The following CWF19L2 variants were observed in gnomAD, a reference collection of about 807,000 sequenced individuals.
CWF19L2 encodes CWF19-like protein 2.
A neutral mutation model predicts 111.7 loss-of-function variants in CWF19L2; 98 were observed. The ratio of observed to expected loss-of-function variants is 0.88; its 90% CI spans 0.75 to 1.04. The LOEUF (loss-of-function observed/expected upper bound fraction) is 1.04, where lower values mean the gene tolerates loss of function less well. CWF19L2 is among the 50% of genes least tolerant of loss of function. The probability of loss-of-function intolerance (pLI) is 0.00; values close to 1 mark genes in which losing one functional copy is unlikely to be tolerated. For synonymous variants in CWF19L2, 351 were observed against 342.9 expected, an observed-to-expected ratio of 1.02 and a Z score of -0.26; for missense variants, 1,101 against 1,051.4, an observed-to-expected ratio of 1.05 and a Z score of -0.65.
At chr11:107,399,760 T>C (rs1860974178) in intron 10 of CWF19L2, among the ~76,000 whole-genome samples, 2 of 152,150 alleles carry the variant, frequency 1.3e-5, no homozygotes, top group South Asian at 4.1e-4. Context: ...AACTGCAGCA[T>C]ACACATTCTA....
chr11:107,391,645 T>A (rs542713130), intron 11 of CWF19L2, among the ~76,000 whole-genome samples: 1 of 152,364 alleles, frequency 6.6e-6, no homozygotes, highest in East Asian at 1.9e-4. Flanking sequence ...AAATACTGTT[T>A]ATTTCCTCTC....
chr11:107,363,207 T>C (rs2134561205), intron 12 of CWF19L2, among the ~76,000 whole-genome samples: 1 of 152,164 alleles, frequency 6.6e-6, no homozygotes. Context: ...TTGGTGTACC[T>C]GAAAGTGACA....
chr11:107,446,197 T>C (rs747744989), intron 3 of CWF19L2, among the ~76,000 whole-genome samples: 1 of 152,220 alleles, frequency 6.6e-6, no homozygotes, highest in Non-Finnish European at 1.5e-5. Flanking sequence ...CCCTACTGAA[T>C]AAAGTCAAAG....
chr11:107,410,663 T>A (rs1007926038), intron 10 of CWF19L2, among the ~76,000 whole-genome samples: 1 of 152,134 alleles, frequency 6.6e-6, no homozygotes, highest in South Asian at 2.1e-4. Flanking sequence ...ATCAGTAATA[T>A]CAGAGTCATG....
intron 3 of CWF19L2, 42 bp downstream of exon 3, chr11:107,454,408 G>T: frequency 7.9e-7 from 1 of 1,265,810 alleles, no homozygotes. Context: ...CAAATAAAAT[G>T]TTCTCAAATA....
chr11:107,398,521 G>C (rs1201470057), intron 10 of CWF19L2, among the ~76,000 whole-genome samples: 1 of 152,138 alleles, frequency 6.6e-6, no homozygotes, highest in Non-Finnish European at 1.5e-5. Flanking sequence ...AAGGCTCCAA[G>C]AAGTCTGGGA....
At chr11:107,362,845 G>A (rs1405905050) in intron 12 of CWF19L2, among the ~76,000 whole-genome samples, 1 of 151,996 alleles carries the variant, frequency 6.6e-6, no homozygotes, top group Non-Finnish European at 1.5e-5. Flanking sequence ...CGAGCTGAGA[G>A]AAGAAGGCTT....
At chr11:107,423,997 C>T (rs1861339089) in intron 8 of CWF19L2, among the ~76,000 whole-genome samples, 2 of 151,736 alleles carry the variant, frequency 1.3e-5, no homozygotes, top group Admixed American at 1.3e-4. Context: ...GTGAGCTTCT[C>T]ATGAAGAACT....
intron 12 of CWF19L2, among the ~76,000 whole-genome samples, chr11:107,382,940 C>A (rs1431259634): frequency 6.6e-6 from 1 of 152,204 alleles, no homozygotes; most frequent in Admixed American, 6.5e-5. Context: ...TCATAAAAAC[C>A]CAAGAGGACT....
intron 14 of CWF19L2, among the ~76,000 whole-genome samples, 169 bp from the exon 15 acceptor site, chr11:107,336,882 C>T (rs1281920543): frequency 6.6e-6 from 1 of 152,078 alleles, no homozygotes; most frequent in Non-Finnish European, 1.5e-5. Context: ...GTTATAGTTA[C>T]TTTACTTTCT....
chr11:107,407,813 C>T (rs188185202), intron 10 of CWF19L2, among the ~76,000 whole-genome samples: 232 of 152,072 alleles, frequency 1.5e-3, no homozygotes, highest in African/African-American at 5.1e-3. Flanking sequence ...CCAAATTAGA[C>T]CTGAGAAAAT....
At chr11:107,411,792 T>C (rs1403322935) in intron 10 of CWF19L2, among the ~76,000 whole-genome samples, 1 of 152,200 alleles carries the variant, frequency 6.6e-6, no homozygotes, top group East Asian at 1.9e-4. Context: ...TTCTAGAATA[T>C]ATGATAATCA....
chr11:107,362,903 G>C (rs1001495917), intron 12 of CWF19L2, among the ~76,000 whole-genome samples: 2 of 151,882 alleles, frequency 1.3e-5, no homozygotes, highest in African/African-American at 4.8e-5. Flanking sequence ...CGAACCAAAG[G>C]CAAAGAAGTT....
chr11:107,424,498 A>G (rs1007871284), intron 8 of CWF19L2, among the ~76,000 whole-genome samples: 2 of 150,830 alleles, frequency 1.3e-5, no homozygotes, highest in African/African-American at 4.9e-5. Context: ...GAAGTTTGTT[A>G]TTATCCATCC....
intron 12 of CWF19L2, among the ~76,000 whole-genome samples, chr11:107,370,102 T>C (rs1338165107): frequency 7.3e-6 from 1 of 137,762 alleles, no homozygotes; most frequent in Non-Finnish European, 1.6e-5. Context: ...TAAATAACCA[T>C]TAAGTTTAAC....
Position 107,429,323 on chromosome 11 carries a change from T to C in CWF19L2, c.909A>G (p.Arg303=). The change falls in exon 8 of 18, where the codon AGA becomes AGG. Residue 303 remains arginine, a synonymous_variant. Coordinates refer to ENST00000282251, the MANE Select transcript of CWF19L2 (RefSeq NM_152434.3). The part of the protein sequence containing the change: ...SDKAQNCQES[R]ESDLVKYGNS... ...TACCATATTTTACTAAGTCTGATTC[T>C]CTACTTTCTTGACAATTTTGTGCTT... 6.2e-7 allele frequency: 1 copy of C among 1,610,258 alleles called. No individual in the cohort carries two copies.
At chr11:107,353,829 A>G (rs909844044) in intron 12 of CWF19L2, 93 bp from the exon 13 acceptor site, 33 of 865,328 alleles carry the variant, frequency 3.8e-5, no homozygotes, top group Middle Eastern at 2.4e-4. Flanking sequence ...TGTAAGTTCT[A>G]TGATAAAACT....
At chr11:107,327,985 T>C (rs1859787265) in intron 17 of CWF19L2, among the ~76,000 whole-genome samples, 1 of 152,032 alleles carries the variant, frequency 6.6e-6, no homozygotes, top group South Asian at 2.1e-4. Flanking sequence ...CCGTATGTTG[T>C]AGGGGATACA....
intron 6 of CWF19L2, among the ~76,000 whole-genome samples, chr11:107,435,564 T>C (rs2135415609): frequency 6.6e-6 from 1 of 152,180 alleles, no homozygotes; most frequent in African/African-American, 2.4e-5. Flanking sequence ...GGAAATCCAA[T>C]GGGAGTAAAA....
Sources: allele counts gnomAD v4.1 joint callset (sites outside exome capture counted in the v4.1 genomes callset), GRCh38; gene constraint gnomAD v4.1.1; transcripts MANE v1.5; gene names NCBI Gene and HGNC (gene_info 2026-07-23, HGNC 2026-07-21).